Variants in TTLL10 observed in about 807,000 individuals in gnomAD.
The protein encoded by TTLL10 is inactive polyglycylase TTLL10.
TTLL10 carries 61 observed loss-of-function variants against 69.0 expected under a neutral mutation model. The observed-to-expected ratio is 0.88, with a 90% CI of 0.72 to 1.09. TTLL10 has a LOEUF of 1.09. Among genes scored for constraint, TTLL10 ranks in the 50% least tolerant of loss-of-function variants. The pLI, the probability that TTLL10 is intolerant of heterozygous loss-of-function variation, is 0.00. For missense variants in TTLL10, 962 were observed against 945.9 expected (o/e 1.02, Z -0.22); for synonymous variants, 408 against 393.3 (o/e 1.04, Z -0.44).
Position 1,185,350 on chromosome 1 carries a change from C to A in TTLL10, c.1401+241C>A. 1 of 1,361,188 alleles carries A rather than the reference C, an allele frequency of 7.3e-7. No homozygotes were observed. Among genetic ancestry groups the A allele is most frequent in the South Asian group, 1.9e-5 (1 of 53,690 alleles). 84.3% of individuals were successfully genotyped at this position (1,361,188 alleles called of 1,614,324 possible). On this transcript the variant is annotated intron_variant, in intron 13 of 15. Transcript: ENST00000379289. This position sits in a 1 kb window ranked among gnomAD's most constrained non-coding sequence, Gnocchi z 6.1. ...CAGTCGGGGGTCTGTCGGCACGAGT[C>A]CCGCGGGCAGCCTCGCCGTAGGGTC...
Position 1,197,759 on chromosome 1 carries a change from C to G in TTLL10, c.1934C>G (p.Ser645Trp). ...GEPQAPGTEQ[S>W]GTGNRHPAQE... ...CCCCAGGCCCCGGGCACGGAGCAGT[C>G]GGGCACAGGCAACAGGCACCCGGCG... Residue 645 changes from serine to tryptophan, a missense_variant, in exon 16 of 16, where the codon TCG (serine) becomes TGG (tryptophan). Ser to Trp is a radical substitution (Grantham distance 177). Coordinates refer to ENST00000379289, the MANE Select transcript of TTLL10 (RefSeq NM_001130045.2). The G allele has an allele frequency of 6.5e-7, 1 of 1,535,554 alleles. No individual in the cohort carries two copies. The highest frequency in any genetic ancestry group is 8.8e-7 in the Non-Finnish European group (1 of 1,142,638).
chr1:1,191,958 G>T (rs1185028386), intron 13 of TTLL10, among the ~76,000 whole-genome samples: 3 of 152,380 alleles, frequency 2.0e-5, no homozygotes, highest in Admixed American at 2.0e-4. Flanking sequence ...GGCGGGCCAG[G>T]TGTTCCTTGC....
At chr1:1,197,381 C>A in intron 15 of TTLL10, 57 bp from the exon 16 acceptor site, 2 of 774,238 alleles carry the variant, frequency 2.6e-6, no homozygotes, top group Non-Finnish European at 4.1e-6. Context: ...ACCCTCCCCA[C>A]CCCCTCCAGC....
rs1647000461 is a variant in TTLL10 at position 1,180,140 on chromosome 1, G to C, written c.306G>C (p.Glu102Asp). Residue 102 changes from glutamate (E) to aspartate (D), a missense_variant, in exon 6 of 16, where the codon GAG becomes GAC. By Grantham distance (45) the Glu-to-Asp change is conservative. Coordinates refer to ENST00000379289, the MANE Select transcript of TTLL10 (RefSeq NM_001130045.2). ...DADGHCGPDL[E>D]GAERASATPG... The stretch of plus-strand genomic sequence containing the variant: ...ATGGACACTGTGGGCCGGACCTGGA[G>C]GGGGCAGAAAGAGCCTCTGCCACAC... 1 of 1,611,270 alleles carries C rather than the reference G, an allele frequency of 6.2e-7. No homozygotes were observed. Among genetic ancestry groups the C allele is most frequent in the Admixed American group, 1.7e-5 (1 of 59,816 alleles).
Position 1,180,338 on chromosome 1 carries a change from A to G in TTLL10, c.504A>G (p.Thr168=), listed in dbSNP as rs757384150. Residue 168 remains threonine (T), a splice_region_variant and synonymous_variant, in exon 6 of 16, where the codon ACA becomes ACG. Coordinates refer to ENST00000379289, the MANE Select transcript of TTLL10 (RefSeq NM_001130045.2). ...ACATTGGAGGCAGCAACGGGGCCAC[A>G]ATGTGAGTAGCGGCCCTGGGCGCCC... ...FFYIGGSNGA[T]IISSYCKSKG... is the part of the protein sequence containing the mutation. 20 of 1,567,458 alleles carry G rather than the reference A, an allele frequency of 1.3e-5. No homozygotes were observed. In the East Asian group the frequency reaches 4.5e-4, roughly 35 times the overall value.
rs1024742727 is a variant in TTLL10 at position 1,181,557 on chromosome 1, G to T, written c.756-184G>T. ...ACACCAGCTTTACACCATGTCCAGCGTCCACTTCCAGCCTAGAGCAACACA... is the reference window on the plus strand; with the variant it reads ...ACACCAGCTTTACACCATGTCCAGCTTCCACTTCCAGCCTAGAGCAACACA... On this transcript the variant is annotated intron_variant, in intron 8 of 15. Coordinates refer to ENST00000379289, the MANE Select transcript of TTLL10 (RefSeq NM_001130045.2). The surrounding 1 kb of genome is among the most constrained non-coding windows in gnomAD (Gnocchi z 4.6). Among the ~76,000 whole-genome samples the T allele has an allele frequency of 6.6e-6, 1 of 152,008 alleles. No individual in the cohort carries two copies. Among genetic ancestry groups the T allele is most frequent in the East Asian group, 1.9e-4 (1 of 5,200 alleles).
At chr1:1,187,696 G>C (rs1413097651) in intron 13 of TTLL10, among the ~76,000 whole-genome samples, 1 of 152,108 alleles carries the variant, frequency 6.6e-6, no homozygotes, top group South Asian at 2.1e-4. Context: ...CCTGAGGTCA[G>C]GAGTTTGAGA....
In TTLL10 at chr1:1,180,425, C is replaced by T. The variant is rs562211074; in HGVS notation, c.507-58C>T. 2.2e-5 allele frequency: 34 copies of T among 1,541,262 alleles called. No homozygotes were observed. The Admixed American group carries it at 3.1e-4, about 14-fold the overall frequency. On this transcript the variant is annotated intron_variant, in intron 6 of 15. Coordinates refer to ENST00000379289, the MANE Select transcript of TTLL10 (RefSeq NM_001130045.2). ...CCCAGCCCGGCCTCCGCTGGCCGCC[C>T]GCCATCCCCAACCCCTTGCCTCGGC...
intron 13 of TTLL10, among the ~76,000 whole-genome samples, chr1:1,190,414 T>C (rs1647681136): frequency 6.6e-6 from 1 of 151,234 alleles, no homozygotes; most frequent in African/African-American, 2.4e-5. Context: ...TGGGTTTAGT[T>C]TGCTCTTCTT....
chr1:1,179,546 C>A, intron 4 of TTLL10, 111 bp from the exon 5 acceptor site: 1 of 1,499,442 alleles, frequency 6.7e-7, no homozygotes. Flanking sequence ...GCCCAGGGTT[C>A]CGCCTGGCTG....
chr1:1,182,922 A>C lies in TTLL10; in HGVS notation c.963A>C (p.Lys321Asn). The C allele has an allele frequency of 6.3e-7, 1 of 1,597,644 alleles. No homozygotes were observed. Among genetic ancestry groups the C allele is most frequent in the African/African-American group, 1.3e-5 (1 of 74,614 alleles). Residue 321 changes from lysine to asparagine, a missense_variant, in exon 11 of 16, where the codon AAA becomes AAC. By Grantham distance (94) the Lys-to-Asn change is moderately conservative (BLOSUM62 0). Transcript: ENST00000379289. ...ICKPTASNQG[K>N]GIFLLRNQEE... Reference sequence around the variant, plus strand: ...AGCCCACAGCCTCCAACCAGGGCAAAGGCATCTTCCTGCTCCGGAACCAGG... The same window carrying C: ...AGCCCACAGCCTCCAACCAGGGCAACGGCATCTTCCTGCTCCGGAACCAGG...
At chr1:1,192,055 C>T (rs563050388) in intron 13 of TTLL10, among the ~76,000 whole-genome samples, 19 of 152,336 alleles carry the variant, frequency 1.2e-4, no homozygotes, top group African/African-American at 4.3e-4. Context: ...TTGTTTATGG[C>T]CAGTCTTGGG....
At chr1:1,180,930 CA>C in intron 8 of TTLL10, 70 bp downstream of exon 8, 1 of 1,364,110 alleles carries the variant, frequency 7.3e-7, no homozygotes, top group Non-Finnish European at 9.7e-7. Context: ...CCTGCCCCTG[CA>C]CCCGCCCCAC....
chr1:1,188,739 G>A (rs1437286667), intron 13 of TTLL10, among the ~76,000 whole-genome samples: 2 of 152,090 alleles, frequency 1.3e-5, no homozygotes, highest in African/African-American at 4.8e-5. Context: ...CATTGAATCT[G>A]TAAGTCACGT....
chr1:1,197,366 CT>C, intron 15 of TTLL10, 71 bp from the exon 16 acceptor site: 5 of 801,646 alleles, frequency 6.2e-6, no homozygotes, highest in Non-Finnish European at 9.8e-6. Flanking sequence ...GGTCCCACCC[CT>C]CACACCCTCC....
intron 13 of TTLL10, among the ~76,000 whole-genome samples, chr1:1,192,328 GTAA>G (rs768805978): frequency 1.6e-4 from 25 of 152,152 alleles, no homozygotes; most frequent in Non-Finnish European, 3.4e-4. Context: ...TTAATCTGCA[GTAA>G]TAATTTTTGT....
chr1:1,197,883 GC>G lies in TTLL10; in HGVS notation c.*40del. On this transcript the variant is annotated 3_prime_UTR_variant, in exon 16 of 16. Coordinates refer to ENST00000379289, the MANE Select transcript of TTLL10 (RefSeq NM_001130045.2). Reference sequence around the variant, plus strand: ...CCGCGCCCAGCGCCCCGCGCCCCGCGCCCCAGCCGTGCTGCCTGCCCTCAGG... The same window carrying G: ...CCGCGCCCAGCGCCCCGCGCCCCGCGCCCAGCCGTGCTGCCTGCCCTCAGG... 7.2e-7 allele frequency: 1 copy of G among 1,393,374 alleles called. No homozygotes were observed. The allele number at this position is 1,393,374 out of a possible 1,614,324, so 86.3% of individuals were successfully genotyped here.
In TTLL10 at chr1:1,180,708, G is replaced by A. The variant is rs200597546; in HGVS notation, c.626-23G>A. 9.5e-5 allele frequency: 151 copies of A among 1,595,748 alleles called. No individual in the cohort carries two copies. In the African/African-American group the frequency reaches 1.8e-3, roughly 19 times the overall value. Reference sequence around the variant, plus strand: ...CCGAGGTCCTGCGCTCCCTCCACACGAGCCCTGGCCTCTGACCTCCAGGAG... The same window carrying A: ...CCGAGGTCCTGCGCTCCCTCCACACAAGCCCTGGCCTCTGACCTCCAGGAG... On this transcript the variant is annotated intron_variant, in intron 7 of 15. Coordinates refer to ENST00000379289, the MANE Select transcript of TTLL10 (RefSeq NM_001130045.2).
At chr1:1,176,007 A>ACTGTGCAGGTGGAGAGAGGCTGACG in intron 3 of TTLL10, 1 of 399,872 alleles carries the variant, frequency 2.5e-6, no homozygotes. Context: ...GCTCCCAGCC[A>ACTGTGCAGGTGGAGAGAGGCTGACG]CTGTGCAGGT....
Sources: allele counts gnomAD v4.1 joint callset (sites outside exome capture counted in the v4.1 genomes callset), GRCh38; gene constraint gnomAD v4.1.1; non-coding constraint Gnocchi (gnomAD v3.1); transcripts MANE v1.5; gene names NCBI Gene and HGNC (gene_info 2026-07-23, HGNC 2026-07-21).